The following ROBO1 variants were observed in gnomAD, a reference collection of about 807,000 sequenced individuals.
ROBO1 encodes the protein roundabout guidance receptor 1, also known as roundabout homolog 1.
Under a neutral mutation model 195.9 loss-of-function variants are expected in ROBO1, and 149 were observed. That is an observed-to-expected ratio of 0.76 (90% confidence interval 0.67 to 0.87). ROBO1 has a LOEUF of 0.87. ROBO1 is among the 40% of genes least tolerant of loss of function. The pLI is 0.00. For synonymous variants in ROBO1, 816 were observed against 733.2 expected, an observed-to-expected ratio of 1.11 and a Z score of -1.82; for missense variants, 1,933 against 2,068.3, an observed-to-expected ratio of 0.93 and a Z score of 1.27.
At chr3:78,762,449 GTTTT>G (rs1166739187) in intron 4 of ROBO1, among the ~76,000 whole-genome samples, 2 of 151,888 alleles carry the variant, frequency 1.3e-5, no homozygotes, top group African/African-American at 2.4e-5. Context: ...TATTTTATCT[GTTTT>G]TTGTTTGTTT....
At chr3:79,169,411 A>C (rs1482153938) in intron 2 of ROBO1, among the ~76,000 whole-genome samples, 2 of 152,040 alleles carry the variant, frequency 1.3e-5, no homozygotes, top group Non-Finnish European at 2.9e-5. Context: ...ATAGGATTCC[A>C]CTTTATCCTA....
At chr3:79,545,188 C>T (rs534224035) in intron 2 of ROBO1, among the ~76,000 whole-genome samples, 1 of 152,204 alleles carries the variant, frequency 6.6e-6, no homozygotes, top group African/African-American at 2.4e-5. Context: ...CATGTGGACA[C>T]ATCGTGAATT....
At chr3:79,185,450 T>C (rs1159784273) in intron 2 of ROBO1, among the ~76,000 whole-genome samples, 1 of 152,210 alleles carries the variant, frequency 6.6e-6, no homozygotes, top group South Asian at 2.1e-4. Flanking sequence ...ATACTATTTA[T>C]GTCGTTTGAT....
At chr3:79,453,274 A>G (rs2039506610) in intron 2 of ROBO1, among the ~76,000 whole-genome samples, 1 of 152,134 alleles carries the variant, frequency 6.6e-6, no homozygotes, top group East Asian at 1.9e-4. Flanking sequence ...AAGACCATTT[A>G]GCATTGCCAA....
intron 3 of ROBO1, among the ~76,000 whole-genome samples, chr3:79,020,344 A>T (rs960885165): frequency 6.6e-6 from 1 of 152,196 alleles, no homozygotes; most frequent in Non-Finnish European, 1.5e-5. Flanking sequence ...CAAACCTGAC[A>T]CGTCTGAAAG....
At chr3:79,049,212 T>C (rs182703752) in intron 3 of ROBO1, among the ~76,000 whole-genome samples, 47 of 152,270 alleles carry the variant, frequency 3.1e-4, no homozygotes, top group South Asian at 1.2e-3. Context: ...AGTGACCTGA[T>C]GGAGCTCAAA....
chr3:79,121,463 T>A (rs1386786734), intron 3 of ROBO1, among the ~76,000 whole-genome samples: 1 of 152,058 alleles, frequency 6.6e-6, no homozygotes, highest in African/African-American at 2.4e-5. Context: ...TAAGAGAATA[T>A]ATTTTGTTTC....
chr3:79,342,067 G>A (rs2034929151), intron 2 of ROBO1, among the ~76,000 whole-genome samples: 2 of 152,160 alleles, frequency 1.3e-5, no homozygotes, highest in Admixed American at 1.3e-4. Flanking sequence ...GAAAGAAGTA[G>A]CAAGGAAGAG....
rs186144492 is a variant in ROBO1, at chr3:79,625,573, T to C, written c.-50-35612A>G. On this transcript the variant is annotated intron_variant, in intron 1 of 30. Transcript: ENST00000464233. Reference sequence around the variant, plus strand: ...TACAAACTACTATCAGAGAATACTATAAATACCTCTATGCAAATGAAGTAG... The same window carrying C: ...TACAAACTACTATCAGAGAATACTACAAATACCTCTATGCAAATGAAGTAG... Among the ~76,000 whole-genome samples the C allele has an allele frequency of 2.7e-4, 41 of 151,912 alleles. 1 individual carries two copies. In the East Asian group the frequency reaches 8.0e-3, roughly 30 times the overall value.
chr3:78,643,746 C>G (rs1282392260), intron 21 of ROBO1, among the ~76,000 whole-genome samples: 1 of 152,038 alleles, frequency 6.6e-6, no homozygotes, highest in Non-Finnish European at 1.5e-5. Context: ...TTCAAAAGAT[C>G]GTTCTGTCTC....
At chr3:79,366,138 C>A (rs932202009) in intron 2 of ROBO1, among the ~76,000 whole-genome samples, 1 of 151,920 alleles carries the variant, frequency 6.6e-6, no homozygotes, top group Non-Finnish European at 1.5e-5. Context: ...AAGATACTGC[C>A]CTCTAAACCT....
intron 2 of ROBO1, among the ~76,000 whole-genome samples, chr3:79,562,528 T>C (rs555763717): frequency 6.6e-6 from 1 of 152,156 alleles, no homozygotes; most frequent in Admixed American, 6.6e-5. Flanking sequence ...GACTTTATTG[T>C]AAACTTCAAG....
rs147682452 is a variant in ROBO1 at position 79,745,939 on chromosome 3, G to A, written c.-51+21813C>T. The stretch of plus-strand genomic sequence containing the variant: ...AATTATATGTTCTCTTCACGTAAAG[G>A]CATAATTTTAAAAATTGCTTTATGT... On this transcript the variant is annotated intron_variant, in intron 1 of 30. Coordinates refer to ENST00000464233, the MANE Select transcript of ROBO1 (RefSeq NM_002941.4). 1.4e-3 allele frequency among the ~76,000 whole-genome samples: 215 copies of A among 151,954 alleles called. 2 individuals carry two copies. Among genetic ancestry groups the A allele is most frequent in the Middle Eastern group, 0.014 (4 of 292 alleles).
At chr3:78,724,143 C>A (rs2082107915) in intron 5 of ROBO1, among the ~76,000 whole-genome samples, 1 of 152,066 alleles carries the variant, frequency 6.6e-6, no homozygotes, top group Non-Finnish European at 1.5e-5. Context: ...AAATGAACTT[C>A]AGAAACAGAA....
chr3:78,682,604 ATT>A (rs1014050539), intron 10 of ROBO1, among the ~76,000 whole-genome samples: 5 of 147,196 alleles, frequency 3.4e-5, no homozygotes, highest in South Asian at 4.2e-4. Context: ...AAAAATTTAT[ATT>A]TTTTGTTTAT....
chr3:78,798,049 T>G (rs1321544135), intron 4 of ROBO1, among the ~76,000 whole-genome samples: 1 of 152,188 alleles, frequency 6.6e-6, no homozygotes, highest in Non-Finnish European at 1.5e-5. Context: ...CCTCACATTT[T>G]GCACACAAAA....
At chr3:78,681,781 AGTC>A (rs1217924911) in intron 10 of ROBO1, among the ~76,000 whole-genome samples, 3 of 152,160 alleles carry the variant, frequency 2.0e-5, no homozygotes, top group Non-Finnish European at 4.4e-5. Flanking sequence ...GGGAGCCTGC[AGTC>A]CCAGCTACTC....
chr3:78,986,355 A>G (rs1443428363), intron 3 of ROBO1, among the ~76,000 whole-genome samples: 1 of 152,118 alleles, frequency 6.6e-6, no homozygotes, highest in Non-Finnish European at 1.5e-5. Flanking sequence ...ATTCCATGGC[A>G]GCATTCAGTG....
chr3:79,396,082 C>G (rs1460865138), intron 2 of ROBO1, among the ~76,000 whole-genome samples: 1 of 152,038 alleles, frequency 6.6e-6, no homozygotes, highest in Non-Finnish European at 1.5e-5. Context: ...CCTATAATTT[C>G]TTATAAAAGC....
Sources: gnomAD v4.1 joint callset for allele counts (sites outside exome capture counted in the v4.1 genomes callset) on GRCh38, gnomAD v4.1.1 for gene constraint, MANE v1.5 for transcripts, NCBI Gene and HGNC (gene_info 2026-07-23, HGNC 2026-07-21) for gene names.